Variants in LPIN2 observed in about 807,000 individuals in gnomAD.
LPIN2 encodes lipin 2, also known as phosphatidate phosphatase LPIN2.
LPIN2 carries 55 observed loss-of-function variants against 111.4 expected under a neutral mutation model. The ratio of observed to expected loss-of-function variants is 0.49; its 90% confidence interval spans 0.40 to 0.62. The LOEUF is 0.62. LPIN2 is among the 20% of genes least tolerant of loss of function. The pLI, the probability that LPIN2 is intolerant of heterozygous loss-of-function variation, is 0.00. For missense variants in LPIN2, 992 were observed against 1,112.1 expected (o/e 0.89, Z 1.54); for synonymous variants, 425 against 414.0 (o/e 1.03, Z -0.32).
intron 1 of LPIN2, among the ~76,000 whole-genome samples, chr18:2,970,998 A>G (rs922122800): frequency 2.6e-5 from 4 of 152,190 alleles, no homozygotes; most frequent in Non-Finnish European, 5.9e-5. Flanking sequence ...TTCCCAGTAT[A>G]GCAATGCACC....
intron 4 of LPIN2, chr18:2,945,559 T>C: frequency 9.5e-6 from 14 of 1,478,320 alleles, no homozygotes; most frequent in Non-Finnish European, 1.3e-5. Context: ...ATCTGCTGTG[T>C]CGTCTTTTTG....
chr18:2,936,405 T>G (rs1413526347), intron 7 of LPIN2, among the ~76,000 whole-genome samples: 1 of 152,180 alleles, frequency 6.6e-6, no homozygotes, highest in Non-Finnish European at 1.5e-5. Context: ...ATTAAACTTG[T>G]GTTCCAAAAG....
intron 1 of LPIN2, among the ~76,000 whole-genome samples, chr18:2,993,616 A>ATT (rs2078299069): frequency 3.5e-4 from 1 of 2,852 alleles, no homozygotes; most frequent in Non-Finnish European, 0.011. Flanking sequence ...CAAAAAGTTA[A>ATT]CGTGTAACTT....
At chr18:2,962,530 A>T (rs1050567233) in intron 1 of LPIN2, among the ~76,000 whole-genome samples, 5 of 151,366 alleles carry the variant, frequency 3.3e-5, no homozygotes, top group African/African-American at 1.2e-4. Flanking sequence ...TAAGAAACAT[A>T]AAAAAAAAGT....
Position 2,937,689 on chromosome 18 carries a change from T to C in LPIN2, c.1168+3A>G, listed in dbSNP as rs1302873946. 1 of 1,613,382 alleles carries C rather than the reference T, an allele frequency of 6.2e-7. No homozygotes were observed. Among genetic ancestry groups the C allele is most frequent in the South Asian group, 1.1e-5 (1 of 91,070 alleles). On this transcript the variant is annotated splice_donor_region_variant and intron_variant, in intron 7 of 19. Coordinates refer to ENST00000677752, the MANE Select transcript of LPIN2 (RefSeq NM_001375808.2). ...CCTGGAGCCAAATTAAACAAACGAT[T>C]ACCTTTCTTCTTTGACGGCGAGTCT...
intron 6 of LPIN2, 50 bp downstream of exon 6, chr18:2,939,430 C>G (rs769401915): frequency 1.2e-6 from 2 of 1,609,650 alleles, no homozygotes; most frequent in African/African-American, 2.7e-5. Context: ...AGGAATTCGT[C>G]ACTTGTTTAA....
In LPIN2 at chr18:2,934,413, A is replaced by G. The variant is rs1370385159; in HGVS notation, c.1206T>C (p.Asp402=). The G allele has an allele frequency of 1.2e-6, 2 of 1,613,752 alleles. No individual in the cohort carries two copies. Among genetic ancestry groups the G allele is most frequent in the African/African-American group, 2.7e-5 (2 of 74,916 alleles). The change falls in exon 8 of 20, where the codon GAT becomes GAC. Residue 402 remains aspartate, a synonymous_variant. Coordinates refer to ENST00000677752, the MANE Select transcript of LPIN2 (RefSeq NM_001375808.2). ...GACCCTTTAAGTCATCAAGGTAAAT[A>G]TCATCAGGTCCCTGGTGTTGGCTTC... is the stretch of plus-strand genomic sequence containing the variant. ...HKRSQHQGPD[D]IYLDDLKGLE... is the part of the protein sequence containing the mutation.
intron 1 of LPIN2, among the ~76,000 whole-genome samples, chr18:3,001,570 A>G (rs1381756751): frequency 3.9e-5 from 6 of 152,114 alleles, no homozygotes; most frequent in Admixed American, 3.9e-4. Context: ...ATAAGAGATG[A>G]ACCTTCATCT....
At chr18:2,946,633 A>G in intron 4 of LPIN2, 2 of 676,212 alleles carry the variant, frequency 3.0e-6, no homozygotes, top group Admixed American at 2.7e-5. Context: ...TCCATACCTC[A>G]GTTTTTTAAA....
intron 1 of LPIN2, among the ~76,000 whole-genome samples, chr18:2,965,584 G>C (rs2077786258): frequency 6.6e-6 from 1 of 151,852 alleles, no homozygotes; most frequent in Admixed American, 6.6e-5. Flanking sequence ...CAAAAAAATT[G>C]GCCTGTATCG....
At position 2,972,205 on chromosome 18, in the gene LPIN2, T is replaced by C. The variant is rs555183581; in HGVS notation, c.-9-11356A>G. On this transcript the variant is annotated intron_variant, in intron 1 of 19. Transcript: ENST00000677752. ...GAAAAACTTGCATAAATCTAGTCTA[T>C]GTCAGTGACAAAAATGACACCGCCT... Among the ~76,000 whole-genome samples, 9 of 152,286 alleles carry C rather than the reference T, an allele frequency of 5.9e-5. No homozygotes were observed. In the South Asian group the frequency reaches 1.7e-3, roughly 28 times the overall value.
intron 19 of LPIN2, 76 bp downstream of exon 19, chr18:2,920,702 A>G: frequency 1.8e-6 from 2 of 1,111,716 alleles, no homozygotes; most frequent in African/African-American, 1.5e-5. Flanking sequence ...ATCAGGGGGA[A>G]AAGGACAGGG....
intron 1 of LPIN2, among the ~76,000 whole-genome samples, chr18:2,981,406 C>T (rs1293165442): frequency 6.6e-6 from 1 of 152,184 alleles, no homozygotes; most frequent in African/African-American, 2.4e-5. Context: ...CTAACGGCAA[C>T]ATAAAATGGG....
At chr18:2,982,050 T>TTAC (rs2078118846) in intron 1 of LPIN2, among the ~76,000 whole-genome samples, 1 of 152,216 alleles carries the variant, frequency 6.6e-6, no homozygotes, top group Non-Finnish European at 1.5e-5. Flanking sequence ...TTTCTGGGAC[T>TTAC]TACACTAAGC....
chr18:2,936,483 G>A (rs2144188004), intron 7 of LPIN2, among the ~76,000 whole-genome samples: 1 of 152,242 alleles, frequency 6.6e-6, no homozygotes, highest in South Asian at 2.1e-4. Flanking sequence ...GTCTCACTCT[G>A]TCACATGGGT....
intron 1 of LPIN2, among the ~76,000 whole-genome samples, chr18:3,000,118 AAGG>A (rs113566510): frequency 0.018 from 2,641 of 144,240 alleles, 87 homozygotes; most frequent in African/African-American, 0.062. Flanking sequence ...GGAGGGGAAG[AAGG>A]AGGAGGAGGA....
chr18:2,983,795 T>C (rs552149419), intron 1 of LPIN2, among the ~76,000 whole-genome samples: 2 of 149,290 alleles, frequency 1.3e-5, no homozygotes, highest in South Asian at 2.1e-4. Context: ...TTTTACCTAG[T>C]TTTTTTTTTC....
rs146723242 is a variant in LPIN2 at position 2,937,376 on chromosome 18, T to C, written c.1168+316A>G. On this transcript the variant is annotated intron_variant, in intron 7 of 19. Coordinates refer to ENST00000677752, the MANE Select transcript of LPIN2 (RefSeq NM_001375808.2). Reference sequence around the variant, plus strand: ...CTGGCCAACATGGTGAAATGCCATCTCTATTAAAAATACAAAAAATCAGCC... The same window carrying C: ...CTGGCCAACATGGTGAAATGCCATCCCTATTAAAAATACAAAAAATCAGCC... Among the ~76,000 whole-genome samples, 6 of 151,984 alleles carry C rather than the reference T, an allele frequency of 3.9e-5. No homozygotes were observed. In the East Asian group the frequency reaches 1.2e-3, roughly 29 times the overall value.
chr18:2,956,311 GGTGTGT>G (rs55844718), intron 2 of LPIN2, among the ~76,000 whole-genome samples: 4,602 of 144,024 alleles, frequency 0.032, 124 homozygotes, highest in Middle Eastern at 0.059. Flanking sequence ...TAGATGCAGG[GGTGTGT>G]GTGTGTGTGT....
Sources: gnomAD v4.1 joint callset for allele counts (sites outside exome capture counted in the v4.1 genomes callset) on GRCh38, gnomAD v4.1.1 for gene constraint, MANE v1.5 for transcripts, NCBI Gene and HGNC (gene_info 2026-07-23, HGNC 2026-07-21) for gene names.